The following CACNA1H variants were observed in gnomAD, a reference collection of about 807,000 sequenced individuals.
The protein encoded by CACNA1H is voltage-dependent T-type calcium channel subunit alpha-1H.
CACNA1H carries 149 observed loss-of-function variants against 192.5 expected under a neutral mutation model. The ratio of observed to expected loss-of-function variants is 0.77; its 90% CI spans 0.68 to 0.89. The LOEUF (loss-of-function observed/expected upper bound fraction) is 0.89. Among genes scored for constraint, CACNA1H ranks in the 40% least tolerant of loss-of-function variants. The probability of loss-of-function intolerance (pLI) is 0.00; values close to 1 mark genes in which losing one functional copy is unlikely to be tolerated. For synonymous variants in CACNA1H, 2,202 were observed against 1,475.2 expected, an observed-to-expected ratio of 1.49 and a Z score of -11.29; for missense variants, 4,257 against 3,423.5, an observed-to-expected ratio of 1.24 and a Z score of -6.08.
In CACNA1H at chr16:1,167,860, G is replaced by A. The variant is rs891810690; in HGVS notation, c.299+13824G>A. On this transcript the variant is annotated intron_variant, in intron 2 of 34. Transcript: ENST00000348261. This position sits in a 1 kb window ranked among gnomAD's most constrained non-coding sequence, Gnocchi z 4.2. The stretch of plus-strand genomic sequence containing the variant: ...GGGCGTGGCCTGGCCGTCCGTCCGC[G>A]GGGCCCGGGCTGCCCATGGCAGCAG... Among the ~76,000 whole-genome samples the A allele has an allele frequency of 2.6e-5, 4 of 152,166 alleles. No individual in the cohort carries two copies. The highest frequency in any genetic ancestry group is 2.6e-4 in the Admixed American group (4 of 15,288).
intron 12 of CACNA1H, 88 bp from the exon 13 acceptor site, chr16:1,206,913 T>TCCC: frequency 1.4e-5 from 1 of 70,704 alleles, no homozygotes; most frequent in Non-Finnish European, 2.7e-5. Context: ...TGCCCCTCCC[T>TCCC]CCTCCCACCC....
Position 1,220,423 on chromosome 16 carries a change from A to C in CACNA1H, c.6491A>C (p.Glu2164Ala), listed in dbSNP as rs749459112. 1.4e-5 allele frequency: 21 copies of C among 1,531,912 alleles called. No individual in the cohort carries two copies. Among genetic ancestry groups the C allele is most frequent in the Non-Finnish European group, 1.7e-5 (20 of 1,148,664 alleles). The allele number at this position is 1,531,912 out of a possible 1,614,324, so 94.9% of individuals were successfully genotyped here. Residue 2164 changes from glutamate to alanine, a missense_variant, in exon 35 of 35, where the codon GAG becomes GCG. By Grantham distance (107) the Glu-to-Ala change is moderately radical. Transcript: ENST00000348261. Reference protein sequence around the residue: ...WRPSAELGSGEPGEAKAWGPE... With the variant: ...WRPSAELGSGAPGEAKAWGPE... ...CCCTCGGCGGAGCTGGGCAGCGGGG[A>C]GCCTGGGGAGGCGAAGGCCTGGGGC...
chr16:1,175,956 C>T (rs746695503), intron 2 of CACNA1H, among the ~76,000 whole-genome samples: 4 of 152,140 alleles, frequency 2.6e-5, no homozygotes, highest in Non-Finnish European at 5.9e-5. Context: ...GTTCCTCCGT[C>T]TGGACCTGGC....
intron 2 of CACNA1H, among the ~76,000 whole-genome samples, chr16:1,178,560 G>A (rs1965148032): frequency 6.6e-6 from 1 of 152,166 alleles, no homozygotes; most frequent in Non-Finnish European, 1.5e-5. Flanking sequence ...GCCGCAGGAG[G>A]AGCCGGCCCT....
rs58033848 is a variant in CACNA1H, at chr16:1,213,838, G to A, written c.4836G>A (p.Ser1612=). The A allele has an allele frequency of 8.1e-5, 130 of 1,598,972 alleles. No homozygotes were observed. The Admixed American group carries it at 2.0e-3, about 24-fold the overall frequency. The change falls in exon 27 of 35, where the codon TCG becomes TCA. Residue 1612 remains serine (S), a synonymous_variant. Coordinates refer to ENST00000348261, the MANE Select transcript of CACNA1H (RefSeq NM_021098.3). The part of the protein sequence containing the change: ...DYSPTRRSIH[S]LCTSHYLDLF... Reference sequence around the variant, plus strand: ...CGCCCACGCGCCGCTCCATTCACTCGCTGTGCACCAGCCACTATCTCGACC... The same window carrying A: ...CGCCCACGCGCCGCTCCATTCACTCACTGTGCACCAGCCACTATCTCGACC...
intron 2 of CACNA1H, chr16:1,158,090 A>G (rs937324947): frequency 1.3e-5 from 2 of 152,274 alleles, no homozygotes; most frequent in Admixed American, 6.5e-5. Flanking sequence ...CTGGCATTGC[A>G]GTGTTCCTGG....
At chr16:1,206,774 G>T in intron 12 of CACNA1H, 1 of 532,370 alleles carries the variant, frequency 1.9e-6, no homozygotes, top group East Asian at 3.1e-5. Flanking sequence ...CCCGCCTCTG[G>T]TCTTGGTTCT....
At chr16:1,211,915 C>T (rs60372578) in intron 24 of CACNA1H, 31 bp from the exon 25 acceptor site, 1,221 of 1,611,154 alleles carry the variant, frequency 7.6e-4, no homozygotes, top group Non-Finnish European at 9.9e-4. Context: ...GCGGGGCAGG[C>T]GGGCGGGGAC....
At chr16:1,198,559 C>G (rs35181617) in intron 5 of CACNA1H, 56 bp from the exon 6 acceptor site, 4 of 1,593,712 alleles carry the variant, frequency 2.5e-6, no homozygotes, top group Non-Finnish European at 3.4e-6. Flanking sequence ...GGGCTGCAGC[C>G]CCGAGGACAC....
chr16:1,184,463 C>T (rs1372674722), intron 2 of CACNA1H, among the ~76,000 whole-genome samples: 3 of 152,240 alleles, frequency 2.0e-5, no homozygotes, highest in Non-Finnish European at 4.4e-5. Flanking sequence ...GGGGAGGGCT[C>T]ATCACCTGCC....
chr16:1,172,044 G>T (rs1017897498), intron 2 of CACNA1H, among the ~76,000 whole-genome samples: 1 of 152,256 alleles, frequency 6.6e-6, no homozygotes, highest in Admixed American at 6.5e-5. Flanking sequence ...AAGGTCCTGG[G>T]GTCCCCAGCA....
chr16:1,217,533 C>G (rs563426191), intron 31 of CACNA1H, among the ~76,000 whole-genome samples: 1 of 152,190 alleles, frequency 6.6e-6, no homozygotes, highest in Admixed American at 6.5e-5. Context: ...GCAGGGCCCT[C>G]CCCCGGGCCC....
intron 30 of CACNA1H, 62 bp from the exon 31 acceptor site, chr16:1,216,870 C>T: frequency 1.5e-6 from 2 of 1,358,416 alleles, no homozygotes; most frequent in Non-Finnish European, 2.1e-6. Flanking sequence ...GAGTGCCCTG[C>T]AGGGTGGGCT....
chr16:1,179,987 G>A lies in CACNA1H; in HGVS notation c.300-14985G>A, dbSNP rs563772007. ...CCTGACCTCATGATCCACCTGCCTC[G>A]GCCTCCAAAAGTGCTGGGATAACAG... is the stretch of plus-strand genomic sequence containing the variant. On this transcript the variant is annotated intron_variant, in intron 2 of 34. Coordinates refer to ENST00000348261, the MANE Select transcript of CACNA1H (RefSeq NM_021098.3). Among the ~76,000 whole-genome samples, 6 of 150,680 alleles carry A rather than the reference G, an allele frequency of 4.0e-5. No individual in the cohort carries two copies. In the East Asian group the frequency reaches 7.9e-4, roughly 20 times the overall value.
intron 2 of CACNA1H, among the ~76,000 whole-genome samples, chr16:1,181,862 A>C (rs1317444900): frequency 6.6e-6 from 1 of 152,084 alleles, no homozygotes; most frequent in South Asian, 2.1e-4. Context: ...TCACACACCC[A>C]CACCCGGACA....
rs980011770 is a variant in CACNA1H, at chr16:1,203,213, G to A, written c.2002+761G>A. Among the ~76,000 whole-genome samples, 13 of 152,176 alleles carry A rather than the reference G, an allele frequency of 8.5e-5. 1 individual carries two copies. Among genetic ancestry groups the A allele is most frequent in the Admixed American group, 6.5e-4 (10 of 15,288 alleles). ...GCCCTTGAATTGTGGGAGTCCAGCC[G>A]CTGTGTGTTATAAGAGGCACACGGG... On this transcript the variant is annotated intron_variant, in intron 9 of 34. Coordinates refer to ENST00000348261, the MANE Select transcript of CACNA1H (RefSeq NM_021098.3).
Position 1,153,940 on chromosome 16 carries a change from A to C in CACNA1H, c.203A>C (p.Gln68Pro). The change falls in exon 2 of 35, where the codon CAG (glutamine) becomes CCG (proline). Residue 68 changes from glutamine to proline, a missense_variant. Gln to Pro is a moderately conservative substitution (Grantham distance 76, BLOSUM62 -1). Coordinates refer to ENST00000348261, the MANE Select transcript of CACNA1H (RefSeq NM_021098.3). ...GCGGAGCTGGGTGCCGACGAGGAGC[A>C]GCGCGTCCCGTACCCGGCCTTGGCG... ...RGAELGADEE[Q>P]RVPYPALAAT... 1.4e-6 allele frequency: 2 copies of C among 1,454,044 alleles called. No individual in the cohort carries two copies. The highest frequency in any genetic ancestry group is 9.1e-7 in the Non-Finnish European group (1 of 1,103,622). 90.1% of individuals were successfully genotyped at this position (1,454,044 alleles called of 1,614,324 possible). A position where few individuals can be genotyped will look rare whatever the true frequency, so the allele number is the denominator to read the frequency against.
intron 12 of CACNA1H, chr16:1,206,571 G>A: frequency 4.0e-6 from 2 of 494,818 alleles, no homozygotes; most frequent in East Asian, 3.6e-5. Context: ...GGGGGTGGGG[G>A]CAGGCACCAG....
intron 12 of CACNA1H, 119 bp downstream of exon 12, chr16:1,206,408 T>G (rs1968717088): frequency 2.2e-6 from 2 of 912,458 alleles, no homozygotes; most frequent in Non-Finnish European, 1.6e-6. Context: ...CCAGAGCATC[T>G]GCAGACACTC....
Sources: gnomAD v4.1 joint callset for allele counts (sites outside exome capture counted in the v4.1 genomes callset) on GRCh38, gnomAD v4.1.1 for gene constraint, Gnocchi (gnomAD v3.1) non-coding constraint, MANE v1.5 for transcripts, NCBI Gene and HGNC (gene_info 2026-07-23, HGNC 2026-07-21) for gene names.